The following DNM1L variants were observed in gnomAD, a reference collection of about 807,000 sequenced individuals.
DNM1L encodes dynamin 1L.
A neutral mutation model predicts 92.8 loss-of-function variants in DNM1L; 33 were observed. The observed-to-expected ratio is 0.36, with a 90% confidence interval of 0.27 to 0.48. The LOEUF (loss-of-function observed/expected upper bound fraction) is 0.48. DNM1L is among the 20% of genes least tolerant of loss of function. The pLI is 0.99. For synonymous variants in DNM1L, 284 were observed against 305.0 expected, an observed-to-expected ratio of 0.93 and a Z score of 0.72; for missense variants, 485 against 888.8, an observed-to-expected ratio of 0.55 and a Z score of 5.78.
At chr12:32,736,899 G>C (rs1457103850) in intron 13 of DNM1L, 29 of 559,490 alleles carry the variant, frequency 5.2e-5, no homozygotes, top group Non-Finnish European at 2.8e-5. Flanking sequence ...TCCTTCAGGT[G>C]TGTGGGCAGA....
intron 16 of DNM1L, among the ~76,000 whole-genome samples, chr12:32,739,452 T>C (rs527688875): frequency 1.4e-4 from 22 of 152,354 alleles, no homozygotes; most frequent in African/African-American, 5.0e-4. Context: ...TTGAGGGGAC[T>C]TCTGTTGTTT....
intron 6 of DNM1L, among the ~76,000 whole-genome samples, chr12:32,717,480 T>G (rs1203658292): frequency 7.5e-5 from 8 of 106,546 alleles, no homozygotes; most frequent in Non-Finnish European, 1.4e-4. Context: ...AGTATATATA[T>G]TATATATATA....
chr12:32,715,207 C>T (rs1953309872), intron 6 of DNM1L, among the ~76,000 whole-genome samples: 1 of 151,578 alleles, frequency 6.6e-6, no homozygotes, highest in African/African-American at 2.4e-5. Context: ...GATCTTCCCA[C>T]CTCAGTCTCC....
At chr12:32,684,477 C>CTTTTTTTTT (rs768276200) in intron 1 of DNM1L, among the ~76,000 whole-genome samples, 1 of 146,092 alleles carries the variant, frequency 6.8e-6, no homozygotes, top group Admixed American at 6.9e-5. Context: ...CAACATAATT[C>CTTTTTTTTT]TTTTTTTTTT....
At chr12:32,714,825 T>TAAA (rs71068333) in intron 6 of DNM1L, among the ~76,000 whole-genome samples, 1 of 142,234 alleles carries the variant, frequency 7.0e-6, no homozygotes, top group African/African-American at 2.6e-5. Context: ...CCATCTCTAT[T>TAAA]AAAAAAAAAA....
At chr12:32,733,461 T>G (rs1463071505) in intron 12 of DNM1L, 1 of 440,120 alleles carries the variant, frequency 2.3e-6, no homozygotes, top group Non-Finnish European at 4.1e-6. Context: ...GTAAAATACT[T>G]GTAGTTACTT....
At chr12:32,736,228 T>C (rs10844331) in intron 13 of DNM1L, among the ~76,000 whole-genome samples, 23,747 of 151,796 alleles carry the variant, frequency 0.16, 1,963 homozygotes, top group Middle Eastern at 0.21. Context: ...TGCGGCACCA[T>C]GCCTGGCTAA....
intron 12 of DNM1L, among the ~76,000 whole-genome samples, chr12:32,733,099 T>TCAAA (rs538241574): frequency 0.013 from 2,052 of 152,262 alleles, 26 homozygotes; most frequent in Non-Finnish European, 0.018. Flanking sequence ...AAACTCCGTC[T>TCAAA]CAAACAAACA....
chr12:32,702,461 T>C (rs75460980), intron 2 of DNM1L, among the ~76,000 whole-genome samples: 2,135 of 152,240 alleles, frequency 0.014, 57 homozygotes, highest in African/African-American at 0.049. Context: ...GCTCAGACTT[T>C]CTTATTTATA....
chr12:32,727,210 G>C, intron 9 of DNM1L: 1 of 1,267,426 alleles, frequency 7.9e-7, no homozygotes, highest in Non-Finnish European at 1.2e-6. Context: ...ATCTCAGATT[G>C]CTTATCAAAT....
At chr12:32,687,104 T>C (rs2137228508) in intron 1 of DNM1L, among the ~76,000 whole-genome samples, 1 of 152,224 alleles carries the variant, frequency 6.6e-6, no homozygotes, top group South Asian at 2.1e-4. Flanking sequence ...TCCTTGTTAG[T>C]GTCCTTCAAT....
chr12:32,741,324 C>T (rs10844333), intron 18 of DNM1L, among the ~76,000 whole-genome samples: 23,661 of 152,162 alleles, frequency 0.16, 1,955 homozygotes, highest in Middle Eastern at 0.21. Context: ...CTCGCTTTGT[C>T]GCCCAGGCTG....
At chr12:32,739,653 A>C (rs748740875) in intron 16 of DNM1L, among the ~76,000 whole-genome samples, 1 of 152,250 alleles carries the variant, frequency 6.6e-6, no homozygotes, top group Non-Finnish European at 1.5e-5. Flanking sequence ...AGAGTTTAAC[A>C]GTGTTAATGA....
intron 15 of DNM1L, 30 bp downstream of exon 15, chr12:32,737,972 A>G: frequency 1.2e-6 from 2 of 1,605,556 alleles, no homozygotes; most frequent in Non-Finnish European, 1.7e-6. Flanking sequence ...CTAAGCCTGC[A>G]TGCCTTGTTC....
chr12:32,701,686 A>C lies in DNM1L; in HGVS notation c.250+124A>C. On this transcript the variant is annotated intron_variant, in intron 2 of 19. Coordinates refer to ENST00000549701, the MANE Select transcript of DNM1L (RefSeq NM_012062.5). Reference sequence around the variant, plus strand: ...TAGCATAGTTAGAAGTCCTGTGAGAAGTAGTATGCATCTTTCTTAATGTAA... The same window carrying C: ...TAGCATAGTTAGAAGTCCTGTGAGACGTAGTATGCATCTTTCTTAATGTAA... 7.0e-6 allele frequency: 6 copies of C among 853,408 alleles called. 1 individual carries two copies. Among genetic ancestry groups the C allele is most frequent in the Non-Finnish European group, 1.1e-5 (6 of 528,872 alleles). The allele number at this position is 853,408 out of a possible 1,614,324, so 52.9% of individuals were successfully genotyped here. A position where few individuals can be genotyped will look rare whatever the true frequency, so the allele number is the denominator to read the frequency against.
intron 1 of DNM1L, among the ~76,000 whole-genome samples, chr12:32,694,876 C>T (rs1952376847): frequency 1.3e-5 from 2 of 152,016 alleles, no homozygotes; most frequent in African/African-American, 4.8e-5. Flanking sequence ...TTTAAAGGGC[C>T]GATTTTAGAA....
intron 1 of DNM1L, among the ~76,000 whole-genome samples, chr12:32,694,337 GC>G (rs1358745709): frequency 2.6e-5 from 4 of 152,152 alleles, no homozygotes; most frequent in African/African-American, 9.7e-5. Context: ...GCCTGCCTTG[GC>G]CTCCCAAAGT....
chr12:32,702,834 A>G (rs1047357377), intron 2 of DNM1L, among the ~76,000 whole-genome samples: 1 of 152,146 alleles, frequency 6.6e-6, no homozygotes. Context: ...TTTTAATTAC[A>G]TTAGGTAGCT....
intron 4 of DNM1L, among the ~76,000 whole-genome samples, chr12:32,710,096 C>A (rs1565509946): frequency 6.6e-6 from 1 of 152,134 alleles, no homozygotes. Flanking sequence ...TTGATTCAAT[C>A]CTAATACTTG....
Sources: allele counts gnomAD v4.1 joint callset (sites outside exome capture counted in the v4.1 genomes callset), GRCh38; gene constraint gnomAD v4.1.1; transcripts MANE v1.5; gene names NCBI Gene and HGNC (gene_info 2026-07-23, HGNC 2026-07-21).